Variants in RBFOX1 observed in about 807,000 individuals in gnomAD.
The protein encoded by RBFOX1 is RNA binding protein fox-1 homolog 1.
In RBFOX1, 8 loss-of-function variants were observed where a neutral mutation model predicts 57.7. The ratio of observed to expected loss-of-function variants is 0.14; its 90% confidence interval spans 0.08 to 0.25. RBFOX1 has a LOEUF of 0.25. Among genes scored for constraint, RBFOX1 ranks in the 10% least tolerant of loss-of-function variants. RBFOX1 has a pLI of 1.00. For synonymous variants in RBFOX1, 326 were observed against 222.4 expected, an observed-to-expected ratio of 1.47 and a Z score of -4.15; for missense variants, 611 against 548.5, an observed-to-expected ratio of 1.11 and a Z score of -1.14.
chr16:6,979,729 C>T (rs2088148798), intron 3 of RBFOX1, among the ~76,000 whole-genome samples: 1 of 152,182 alleles, frequency 6.6e-6, no homozygotes, highest in African/African-American at 2.4e-5. Context: ...AGGCTGTGAT[C>T]ATTCCTCCTA....
At chr16:5,248,042 C>T (rs1268559425) in intron 1 of RBFOX1, among the ~76,000 whole-genome samples, 3 of 152,192 alleles carry the variant, frequency 2.0e-5, no homozygotes, top group Non-Finnish European at 2.9e-5. Context: ...CCTGTTCTAA[C>T]ATTTTCCTAA....
At chr16:5,966,493 A>G (rs2059845971) in intron 4 of RBFOX1, among the ~76,000 whole-genome samples, 2 of 152,154 alleles carry the variant, frequency 1.3e-5, no homozygotes, top group East Asian at 1.9e-4. Flanking sequence ...AGTCTTACTC[A>G]GTCCCCCAGG....
chr16:6,638,182 T>C (rs1007570875), intron 2 of RBFOX1, among the ~76,000 whole-genome samples: 1 of 152,098 alleles, frequency 6.6e-6, no homozygotes, highest in Non-Finnish European at 1.5e-5. Flanking sequence ...CATATAAAAA[T>C]GAAATGACAG....
Position 5,809,634 on chromosome 16 carries a change from C to G in RBFOX1, c.319-57669C>G, listed in dbSNP as rs186838654. On this transcript the variant is annotated intron_variant, in intron 3 of 19. Transcript: ENST00000641259. ...TCAAAACCACGATGAGATACCATCT[C>G]ACACCAGTTTGAATGGCAATCATTA... is the stretch of plus-strand genomic sequence containing the variant. 6.5e-3 allele frequency among the ~76,000 whole-genome samples: 985 copies of G among 152,286 alleles called. 12 individuals carry two copies. The highest frequency in any genetic ancestry group is 0.022 in the African/African-American group (906 of 41,550).
chr16:5,405,409 C>G (rs1351275489), intron 1 of RBFOX1, among the ~76,000 whole-genome samples: 1 of 152,254 alleles, frequency 6.6e-6, no homozygotes, highest in Non-Finnish European at 1.5e-5. Flanking sequence ...CCTGCACAAA[C>G]TCTCTTTTGC....
intron 2 of RBFOX1, among the ~76,000 whole-genome samples, chr16:6,424,677 G>C (rs867495141): frequency 6.6e-6 from 1 of 151,480 alleles, no homozygotes; most frequent in Non-Finnish European, 1.5e-5. Flanking sequence ...CTACAAGGAT[G>C]TTCACTGCAG....
intron 3 of RBFOX1, among the ~76,000 whole-genome samples, chr16:5,836,083 C>T (rs2056447390): frequency 6.6e-6 from 1 of 152,182 alleles, no homozygotes; most frequent in African/African-American, 2.4e-5. Flanking sequence ...TTGTAGCTTG[C>T]AGCAGATGTT....
intron 3 of RBFOX1, among the ~76,000 whole-genome samples, chr16:6,982,954 A>T (rs1965968): frequency 0.55 from 78,769 of 143,896 alleles, 22,500 homozygotes; most frequent in Non-Finnish European, 0.63. Context: ...ACATCATGCC[A>T]TTGTGCTCCA....
At chr16:7,640,053 A>C (rs1395748370) in intron 11 of RBFOX1, among the ~76,000 whole-genome samples, 2 of 152,130 alleles carry the variant, frequency 1.3e-5, no homozygotes, top group Non-Finnish European at 2.9e-5. Flanking sequence ...GATGATTTCT[A>C]AGAGGCTTTT....
At chr16:7,697,481 T>C (rs1389223984) in intron 14 of RBFOX1, among the ~76,000 whole-genome samples, 1 of 151,416 alleles carries the variant, frequency 6.6e-6, no homozygotes, top group African/African-American at 2.4e-5. Context: ...CTGTCATTTA[T>C]TGAGCAAATT....
intron 3 of RBFOX1, among the ~76,000 whole-genome samples, chr16:5,673,051 C>T (rs953140514): frequency 1.3e-5 from 2 of 152,092 alleles, no homozygotes; most frequent in African/African-American, 2.4e-5. Context: ...GAAGCGCCTC[C>T]ACCCGCTTCC....
At chr16:7,386,527 C>T (rs954262946) in intron 4 of RBFOX1, among the ~76,000 whole-genome samples, 3 of 152,104 alleles carry the variant, frequency 2.0e-5, no homozygotes, top group Non-Finnish European at 4.4e-5. Flanking sequence ...TTTCCACCTT[C>T]ATCCATGTCC....
intron 2 of RBFOX1, among the ~76,000 whole-genome samples, chr16:6,558,799 A>T (rs2097139921): frequency 8.6e-6 from 1 of 116,854 alleles, no homozygotes; most frequent in African/African-American, 3.5e-5. Flanking sequence ...TTAAATCCTC[A>T]AGCCCACTAG....
At chr16:6,511,526 C>T (rs1293835089) in intron 2 of RBFOX1, among the ~76,000 whole-genome samples, 1 of 152,140 alleles carries the variant, frequency 6.6e-6, no homozygotes, top group African/African-American at 2.4e-5. Context: ...ACAAGGAGCC[C>T]ATGGAAACTA....
chr16:7,687,427 C>T (rs2076300458), intron 14 of RBFOX1, among the ~76,000 whole-genome samples: 1 of 151,996 alleles, frequency 6.6e-6, no homozygotes. Context: ...TAGCATCAGA[C>T]CCCTTAGACT....
intron 4 of RBFOX1, among the ~76,000 whole-genome samples, chr16:7,097,756 A>G (rs1396340040): frequency 6.6e-6 from 1 of 152,198 alleles, no homozygotes; most frequent in African/African-American, 2.4e-5. Flanking sequence ...GCTAGTGCAT[A>G]TTTATCCAGA....
chr16:7,641,645 G>C (rs2062814674), intron 11 of RBFOX1, among the ~76,000 whole-genome samples: 1 of 152,178 alleles, frequency 6.6e-6, no homozygotes, highest in Non-Finnish European at 1.5e-5. Flanking sequence ...AACATTTCCA[G>C]AAGATCATTT....
intron 1 of RBFOX1, among the ~76,000 whole-genome samples, chr16:6,206,950 C>T (rs1173815826): frequency 1.3e-5 from 2 of 149,930 alleles, no homozygotes; most frequent in East Asian, 2.0e-4. Context: ...ACACTTAATT[C>T]TTAAGATAGT....
chr16:5,366,152 G>A (rs2065708639), intron 1 of RBFOX1: 3 of 426,168 alleles, frequency 7.0e-6, no homozygotes, highest in Middle Eastern at 8.5e-4. Flanking sequence ...TACCTGTGGA[G>A]GAAGATGCAG....
Sources: gnomAD v4.1 joint callset for allele counts (sites outside exome capture counted in the v4.1 genomes callset) on GRCh38, gnomAD v4.1.1 for gene constraint, MANE v1.5 for transcripts, NCBI Gene and HGNC (gene_info 2026-07-23, HGNC 2026-07-21) for gene names.